ZNF84: variants seen among roughly 807,000 people sequenced by gnomAD.
ZNF84 encodes the protein zinc finger protein HPF2.
Under a neutral mutation model 14.8 loss-of-function variants are expected in ZNF84, and 12 were observed. The ratio of observed to expected loss-of-function variants is 0.81; its 90% confidence interval spans 0.52 to 1.31. The LOEUF (loss-of-function observed/expected upper bound fraction) is 1.31, where lower values mean the gene tolerates loss of function less well. ZNF84 is among the 50% of genes most tolerant of loss of function. The probability of loss-of-function intolerance (pLI) is 0.00; values close to 1 mark genes in which losing one functional copy is unlikely to be tolerated. For synonymous variants in ZNF84, 347 were observed against 291.1 expected (o/e 1.19, Z -1.96); for missense variants, 859 against 878.6 (o/e 0.98, Z 0.28).
intron 2 of ZNF84, among the ~76,000 whole-genome samples, chr12:133,042,547 A>C (rs2137332960): frequency 6.6e-6 from 1 of 152,286 alleles, no homozygotes; most frequent in African/African-American, 2.4e-5. Context: ...AAAAAAGCGT[A>C]GGCTTTATAG....
chr12:133,054,187 G>C (rs1954113855), intron 4 of ZNF84, among the ~76,000 whole-genome samples: 1 of 152,152 alleles, frequency 6.6e-6, no homozygotes, highest in African/African-American at 2.4e-5. Flanking sequence ...TTCAAGAGCA[G>C]CCTGGACAAC....
In ZNF84 at chr12:133,048,645, G is replaced by T. The variant is rs1410406203; in HGVS notation, c.143-108G>T. 26 of 704,428 alleles carry T rather than the reference G, an allele frequency of 3.7e-5. No individual in the cohort carries two copies. The South Asian group carries it at 4.4e-4, about 12-fold the overall frequency. The allele number at this position is 704,428 out of a possible 1,614,324, so 43.6% of individuals were successfully genotyped here. On this transcript the variant is annotated intron_variant, in intron 3 of 4. Coordinates refer to ENST00000539354, the MANE Select transcript of ZNF84 (RefSeq NM_001289971.2). ...AACTTTGAGAATTACTTACTCTGTT[G>T]GGGTACAGCTTCACCAGGCCAACTT...
chr12:133,057,584 C>G lies in ZNF84; in HGVS notation c.869C>G (p.Pro290Arg). Residue 290 changes from proline to arginine, a missense_variant, in exon 5 of 5, where the codon CCT becomes CGT. Transcript: ENST00000539354. ...CAGCGGACACATACAGGAGAGAAAC[C>G]TTATGAGTGTGGTGAATGTGGGAAA... is the stretch of plus-strand genomic sequence containing the variant. ...SHQRTHTGEK[P>R]YECGECGKAF... 1.2e-6 allele frequency: 2 copies of G among 1,614,162 alleles called. No homozygotes were observed. The highest frequency in any genetic ancestry group is 2.2e-5 in the South Asian group (2 of 91,084).
At position 133,047,965 on chromosome 12, in the gene ZNF84, C is replaced by A; in HGVS notation, c.26C>A (p.Ser9Ter). MTMLQESF[S>*]FDDLSVDFTQ... is the part of the protein sequence containing the mutation. ...ATTGTGCTCTTACAGGAGTCATTCT[C>A]ATTTGACGATTTATCTGTGGACTTC... Residue 9 changes from serine (S) to a stop codon, truncating the protein, a stop_gained, in exon 3 of 5, where the codon TCA becomes TAA. Coordinates refer to ENST00000539354, the MANE Select transcript of ZNF84 (RefSeq NM_001289971.2). LOFTEE classifies it high-confidence loss of function. The A allele has an allele frequency of 1.9e-6, 3 of 1,613,888 alleles. No homozygotes were observed. The South Asian group carries it at 3.3e-5, about 18-fold the overall frequency.
chr12:133,060,645 T>C lies in ZNF84; in HGVS notation c.*1713T>C, dbSNP rs1343533075. On this transcript the variant is annotated 3_prime_UTR_variant, in exon 5 of 5. Coordinates refer to ENST00000539354, the MANE Select transcript of ZNF84 (RefSeq NM_001289971.2). The stretch of plus-strand genomic sequence containing the variant: ...ATACCATTGTAATGTTGAGAAACTG[T>C]AAGTCACATCCTCTTAAGTCAGGAA... The C allele has an allele frequency of 1.3e-5, 2 of 152,204 alleles. No individual in the cohort carries two copies. Among genetic ancestry groups the C allele is most frequent in the East Asian group, 3.8e-4 (2 of 5,200 alleles). The allele number at this position is 152,204 out of a possible 1,614,324, so 9.4% of individuals were successfully genotyped here.
Position 133,058,536 on chromosome 12 carries a change from T to G in ZNF84, c.1821T>G (p.Ala607=). Residue 607 remains alanine, a synonymous_variant, in exon 5 of 5, where the codon GCT becomes GCG. Transcript: ENST00000539354. The part of the protein sequence containing the change: ...KPYECSLCRK[A]FFEKSELIRH... ...ATGAATGCAGTCTTTGTAGGAAAGC[T>G]TTTTTTGAGAAGTCGGAGCTAATTA... 4 of 1,613,906 alleles carry G rather than the reference T, an allele frequency of 2.5e-6. No individual in the cohort carries two copies. Among genetic ancestry groups the G allele is most frequent in the Non-Finnish European group, 3.4e-6 (4 of 1,179,922 alleles).
intron 4 of ZNF84, among the ~76,000 whole-genome samples, chr12:133,056,252 T>C (rs1056475816): frequency 1.3e-5 from 2 of 152,046 alleles, no homozygotes; most frequent in Non-Finnish European, 2.9e-5. Context: ...TATTTTTTTA[T>C]TTTTTATTTT....
intron 3 of ZNF84, chr12:133,048,376 A>T (rs988722953): frequency 6.2e-5 from 19 of 304,400 alleles, no homozygotes; most frequent in African/African-American, 2.1e-5. Flanking sequence ...ATCTTATACC[A>T]AGTGCTTTAC....
chr12:133,062,523 A>G lies in ZNF84; in HGVS notation c.*3591A>G, dbSNP rs972149845. 5.1e-5 allele frequency: 8 copies of G among 157,640 alleles called. No individual in the cohort carries two copies. The highest frequency in any genetic ancestry group is 7.2e-5 in the African/African-American group (3 of 41,486). 9.8% of individuals were successfully genotyped at this position (157,640 alleles called of 1,614,324 possible). On this transcript the variant is annotated 3_prime_UTR_variant, in exon 5 of 5. Transcript: ENST00000539354. Reference sequence around the variant, plus strand: ...GTCTTATTAGTCTATACAGGTACCAATGAGCTTTCAGATGTTCAACACCTA... The same window carrying G: ...GTCTTATTAGTCTATACAGGTACCAGTGAGCTTTCAGATGTTCAACACCTA...
rs1471648072 is a variant in ZNF84 at position 133,037,555 on chromosome 12, GT to G, written c.-191+11del. The G allele has an allele frequency of 6.6e-6, 1 of 152,560 alleles. No individual in the cohort carries two copies. The highest frequency in any genetic ancestry group is 1.5e-5 in the Non-Finnish European group (1 of 68,350). The allele number at this position is 152,560 out of a possible 1,614,324, so 9.5% of individuals were successfully genotyped here. On this transcript the variant is annotated intron_variant, in intron 1 of 4. Transcript: ENST00000539354. ...GGCGGCGGCGTCTTTTGTGAGTTCA[GT>G]GAGTTTATTGCGGGCCCGGCGCTGG...
intron 4 of ZNF84, among the ~76,000 whole-genome samples, chr12:133,050,880 T>C (rs1212973991): frequency 6.6e-6 from 1 of 152,222 alleles, no homozygotes; most frequent in Admixed American, 6.5e-5. Flanking sequence ...GTCTTCACTT[T>C]AGTTATAGAA....
intron 4 of ZNF84, chr12:133,050,580 A>G (rs1954053880): frequency 1.0e-5 from 4 of 398,472 alleles, no homozygotes; most frequent in Non-Finnish European, 1.8e-5. Flanking sequence ...CCTATCTCCC[A>G]TTCATGGTCA....
rs1404283689 is a variant in ZNF84, at chr12:133,041,234, A to G, written c.-190-44A>G. On this transcript the variant is annotated intron_variant, in intron 1 of 4. Coordinates refer to ENST00000539354, the MANE Select transcript of ZNF84 (RefSeq NM_001289971.2). Reference sequence around the variant, plus strand: ...TCCTAGCAAGAGAGAAAGAGATTTCATGTGCAATGTGAATATACCAGTTGA... The same window carrying G: ...TCCTAGCAAGAGAGAAAGAGATTTCGTGTGCAATGTGAATATACCAGTTGA... 2.8e-5 allele frequency: 14 copies of G among 498,514 alleles called. No individual in the cohort carries two copies. In the Admixed American group the frequency reaches 4.8e-4, roughly 17 times the overall value. The allele number at this position is 498,514 out of a possible 1,614,324, so 30.9% of individuals were successfully genotyped here.
chr12:133,046,171 T>C (rs903467456), intron 2 of ZNF84, among the ~76,000 whole-genome samples: 5 of 152,102 alleles, frequency 3.3e-5, no homozygotes, highest in Admixed American at 6.6e-5. Flanking sequence ...AAAATCTGTT[T>C]GGTTCTATCA....
Position 133,058,649 on chromosome 12 carries a change from A to C in ZNF84, c.1934A>C (p.His645Pro). The C allele has an allele frequency of 6.2e-7, 1 of 1,614,200 alleles. No individual in the cohort carries two copies. Among genetic ancestry groups the C allele is most frequent in the Non-Finnish European group, 8.5e-7 (1 of 1,180,022 alleles). ...AFREKSSLINHQRIHTGEKPF... is the reference protein window; with the variant it reads ...AFREKSSLINPQRIHTGEKPF... ...AGGGAGAAGTCAAGTCTCATCAATC[A>C]TCAGAGAATACATACAGGAGAGAAG... Residue 645 changes from histidine (H) to proline (P), a missense_variant, in exon 5 of 5, where the codon CAT becomes CCT. His to Pro is a moderately conservative substitution (Grantham distance 77). Transcript: ENST00000539354.
intron 2 of ZNF84, among the ~76,000 whole-genome samples, chr12:133,043,990 C>G (rs1033636300): frequency 1.3e-5 from 2 of 151,548 alleles, no homozygotes; most frequent in African/African-American, 4.9e-5. Flanking sequence ...TCTTGAACTC[C>G]TGACCTTGTG....
At position 133,057,340 on chromosome 12, in the gene ZNF84, T is replaced by C; in HGVS notation, c.625T>C (p.Cys209Arg). Reference protein sequence around the residue: ...RNRLGEKLYECSECRKRFSKK... With the variant: ...RNRLGEKLYERSECRKRFSKK... ...TCGTTTAGGGGAGAAACTCTATGAA[T>C]GCAGTGAATGTAGGAAGCGCTTCAG... Residue 209 changes from cysteine to arginine, a missense_variant, in exon 5 of 5, where the codon TGC becomes CGC. By Grantham distance (180) the Cys-to-Arg change is radical. Transcript: ENST00000539354. 6.2e-7 allele frequency: 1 copy of C among 1,613,738 alleles called. No individual in the cohort carries two copies. The highest frequency in any genetic ancestry group is 8.5e-7 in the Non-Finnish European group (1 of 1,179,960).
In ZNF84 at chr12:133,061,868, T is replaced by A. The variant is rs1954270488; in HGVS notation, c.*2936T>A. The stretch of plus-strand genomic sequence containing the variant: ...TGTGCAGTAATCACTAGAACTCACC[T>A]TCTAAAGTGTCATGAGAGCTCTGAT... On this transcript the variant is annotated 3_prime_UTR_variant, in exon 5 of 5. Coordinates refer to ENST00000539354, the MANE Select transcript of ZNF84 (RefSeq NM_001289971.2). 6.6e-6 allele frequency: 1 copy of A among 152,230 alleles called. No homozygotes were observed. Among genetic ancestry groups the A allele is most frequent in the Non-Finnish European group, 1.5e-5 (1 of 68,046 alleles). The allele number at this position is 152,230 out of a possible 1,614,324, so 9.4% of individuals were successfully genotyped here. A position where few individuals can be genotyped will look rare whatever the true frequency, so the allele number is the denominator to read the frequency against.
chr12:133,046,880 T>TTATA (rs1261533029), intron 2 of ZNF84, among the ~76,000 whole-genome samples: 1 of 105,880 alleles, frequency 9.4e-6, no homozygotes, highest in Non-Finnish European at 1.9e-5. Context: ...TTATATATAT[T>TTATA]TATATATTAT....
Sources: allele counts gnomAD v4.1 joint callset (sites outside exome capture counted in the v4.1 genomes callset), GRCh38; gene constraint gnomAD v4.1.1; transcripts MANE v1.5; gene names NCBI Gene and HGNC (gene_info 2026-07-23, HGNC 2026-07-21).